Variants in TMCC1 observed in about 807,000 individuals in gnomAD.
TMCC1 encodes the protein transmembrane and coiled-coil domain family 1.
A neutral mutation model predicts 52.4 loss-of-function variants in TMCC1; 15 were observed. That is an observed-to-expected ratio of 0.29 (90% CI 0.19 to 0.44). The LOEUF (loss-of-function observed/expected upper bound fraction) is 0.44, where lower values mean the gene tolerates loss of function less well. Ranked by LOEUF, TMCC1 falls within the 20% of genes least tolerant of loss-of-function variation. The pLI is 1.00. For synonymous variants in TMCC1, 279 were observed against 301.9 expected (o/e 0.92, Z 0.79); for missense variants, 503 against 806.0 (o/e 0.62, Z 4.55).
intron 4 of TMCC1, among the ~76,000 whole-genome samples, chr3:129,721,582 C>T (rs905120985): frequency 4.0e-5 from 6 of 151,506 alleles, no homozygotes; most frequent in Non-Finnish European, 2.9e-5. Context: ...ATGTGCAGGC[C>T]GGGTGTAGTG....
chr3:129,745,104 T>A (rs1192746643), intron 4 of TMCC1, among the ~76,000 whole-genome samples: 3 of 152,216 alleles, frequency 2.0e-5, no homozygotes, highest in Non-Finnish European at 4.4e-5. Flanking sequence ...CACTGTCATG[T>A]GCTAAATGAA....
At chr3:129,802,766 G>A (rs1047886760) in intron 4 of TMCC1, among the ~76,000 whole-genome samples, 3 of 152,192 alleles carry the variant, frequency 2.0e-5, no homozygotes, top group Non-Finnish European at 4.4e-5. Context: ...GCAACCATGA[G>A]GAATCTCTAA....
At chr3:129,830,468 A>G (rs1486004738) in intron 3 of TMCC1, among the ~76,000 whole-genome samples, 3 of 152,202 alleles carry the variant, frequency 2.0e-5, no homozygotes, top group African/African-American at 7.2e-5. Flanking sequence ...TGAGTTTCTC[A>G]GAGGAAAAGG....
At chr3:129,679,165 G>C (rs2088741387) in intron 4 of TMCC1, among the ~76,000 whole-genome samples, 2 of 152,214 alleles carry the variant, frequency 1.3e-5, no homozygotes, top group Non-Finnish European at 2.9e-5. Flanking sequence ...AGGCACCCAT[G>C]TCAGGGCTTT....
intron 1 of TMCC1, among the ~76,000 whole-genome samples, chr3:129,880,854 A>C (rs1467969612): frequency 6.6e-6 from 1 of 151,508 alleles, no homozygotes; most frequent in Non-Finnish European, 1.5e-5. Context: ...TCAGGCTGCA[A>C]ATTTTTTTTC....
rs1315113989 is a variant in TMCC1 at position 129,828,400 on chromosome 3, T to G, written c.-22A>C. 1 of 1,594,936 alleles carries G rather than the reference T, an allele frequency of 6.3e-7. No homozygotes were observed. Among genetic ancestry groups the G allele is most frequent in the South Asian group, 1.1e-5 (1 of 88,956 alleles). On this transcript the variant is annotated 5_prime_UTR_variant, in exon 4 of 7. Transcript: ENST00000393238. This position sits in a 1 kb window ranked among gnomAD's most constrained non-coding sequence, Gnocchi z 4.1. ...CCATCAGTAGACTTAATATGCTTATTTGCAAACTCAAAAAAATTTTTTAAA... is the reference window on the plus strand; with the variant it reads ...CCATCAGTAGACTTAATATGCTTATGTGCAAACTCAAAAAAATTTTTTAAA...
chr3:129,737,505 G>A (rs968808674), intron 4 of TMCC1, among the ~76,000 whole-genome samples: 20 of 151,556 alleles, frequency 1.3e-4, no homozygotes, highest in African/African-American at 2.4e-4. Context: ...GAGGCTTGAC[G>A]GAATTCTCTT....
chr3:129,752,224 C>T lies in TMCC1; in HGVS notation c.576+75579G>A, dbSNP rs935855487. 8.5e-5 allele frequency among the ~76,000 whole-genome samples: 13 copies of T among 152,216 alleles called. 1 individual carries two copies. Among genetic ancestry groups the T allele is most frequent in the South Asian group, 6.2e-4 (3 of 4,820 alleles). On this transcript the variant is annotated intron_variant, in intron 4 of 6. Coordinates refer to ENST00000393238, the MANE Select transcript of TMCC1 (RefSeq NM_001017395.5). ...TGTTTTCCCTCACTCTCTGAATGAG[C>T]GAGCTGTGACCTTATCTCTTCCCTT...
Position 129,691,787 on chromosome 3 carries a change from A to C in TMCC1, c.577-20523T>G, listed in dbSNP as rs114592510. Among the ~76,000 whole-genome samples, 1,503 of 152,234 alleles carry C rather than the reference A, an allele frequency of 9.9e-3. 25 individuals are homozygous for C. The highest frequency in any genetic ancestry group is 0.035 in the African/African-American group (1,435 of 41,548). On this transcript the variant is annotated intron_variant, in intron 4 of 6. Coordinates refer to ENST00000393238, the MANE Select transcript of TMCC1 (RefSeq NM_001017395.5). ...TATCTTTAAAAAACAAAACAGAAAG[A>C]CCATGGCCTCTTGTTTGTAAGTATA...
chr3:129,740,053 C>T (rs761095158), intron 4 of TMCC1, among the ~76,000 whole-genome samples: 3 of 152,220 alleles, frequency 2.0e-5, no homozygotes, highest in Non-Finnish European at 2.9e-5. Flanking sequence ...TTCTGAATCC[C>T]AGTCCTGCCA....
intron 2 of TMCC1, among the ~76,000 whole-genome samples, chr3:129,866,297 T>C (rs1038740113): frequency 8.0e-5 from 10 of 125,368 alleles, no homozygotes; most frequent in Admixed American, 3.2e-4. Context: ...ATACATAATA[T>C]ATAATATATA....
intron 4 of TMCC1, among the ~76,000 whole-genome samples, chr3:129,732,843 A>G (rs1486333156): frequency 6.6e-6 from 1 of 152,196 alleles, no homozygotes; most frequent in Non-Finnish European, 1.5e-5. Flanking sequence ...AGAGGAAAGA[A>G]AAAGGAAAAA....
chr3:129,804,425 C>T (rs867416976), intron 4 of TMCC1, among the ~76,000 whole-genome samples: 2 of 152,124 alleles, frequency 1.3e-5, no homozygotes, highest in African/African-American at 4.8e-5. Context: ...AATACAAGGC[C>T]TTTTACCTCC....
chr3:129,852,449 A>C (rs2670904), intron 2 of TMCC1, among the ~76,000 whole-genome samples: 1 of 125,834 alleles, frequency 7.9e-6, no homozygotes, highest in African/African-American at 3.1e-5. Context: ...AGAACGAGAC[A>C]CCGTCTCAAA....
intron 4 of TMCC1, among the ~76,000 whole-genome samples, chr3:129,798,758 C>T (rs1406120446): frequency 2.6e-5 from 4 of 152,112 alleles, no homozygotes; most frequent in African/African-American, 9.7e-5. Flanking sequence ...GGGAATAGCT[C>T]ATTAACAAAT....
At chr3:129,724,690 G>A (rs1349513703) in intron 4 of TMCC1, among the ~76,000 whole-genome samples, 1 of 152,146 alleles carries the variant, frequency 6.6e-6, no homozygotes. Context: ...ACTAAAAAAG[G>A]AGCCAGAACA....
At position 129,759,709 on chromosome 3, in the gene TMCC1, AC is replaced by A. The variant is rs375613994; in HGVS notation, c.576+68093del. On this transcript the variant is annotated intron_variant, in intron 4 of 6. Coordinates refer to ENST00000393238, the MANE Select transcript of TMCC1 (RefSeq NM_001017395.5). ...GGCATGAGCCACTGCAGCCAGCCAA[AC>A]TTTTTTTTTTTTTTTTTTTTTTTTT... Among the ~76,000 whole-genome samples, 66 of 98,356 alleles carry A rather than the reference AC, an allele frequency of 6.7e-4. 1 individual carries two copies. The highest frequency in any genetic ancestry group is 1.3e-3 in the African/African-American group (34 of 25,364). The allele number at this position is 98,356 out of a possible 152,430, so 64.5% of individuals were successfully genotyped here. A position where few individuals can be genotyped will look rare whatever the true frequency, so the allele number is the denominator to read the frequency against.
At chr3:129,746,779 G>A (rs1289313778) in intron 4 of TMCC1, among the ~76,000 whole-genome samples, 1 of 152,160 alleles carries the variant, frequency 6.6e-6, no homozygotes, top group African/African-American at 2.4e-5. Flanking sequence ...TGGGGTAAGA[G>A]TCTGTTGTGT....
intron 4 of TMCC1, among the ~76,000 whole-genome samples, chr3:129,800,686 A>G (rs2717258): frequency 0.63 from 94,804 of 151,670 alleles, 35,074 homozygotes; most frequent in Non-Finnish European, 0.83. Flanking sequence ...ATATAACACT[A>G]CTCTCCTTGA....
Sources: allele counts gnomAD v4.1 joint callset (sites outside exome capture counted in the v4.1 genomes callset), GRCh38; gene constraint gnomAD v4.1.1; non-coding constraint Gnocchi (gnomAD v3.1); transcripts MANE v1.5; gene names NCBI Gene and HGNC (gene_info 2026-07-23, HGNC 2026-07-21).